The following TMPRSS11E variants were observed in gnomAD, a reference collection of about 807,000 sequenced individuals.
TMPRSS11E encodes the protein transmembrane protease serine 11E.
TMPRSS11E carries 38 observed loss-of-function variants against 48.1 expected under a neutral mutation model. The observed-to-expected ratio is 0.79, with a 90% CI of 0.61 to 1.04. The LOEUF is 1.04. Among genes scored for constraint, TMPRSS11E ranks in the 50% least tolerant of loss-of-function variants. The pLI, the probability that TMPRSS11E is intolerant of heterozygous loss-of-function variation, is 0.00. For synonymous variants in TMPRSS11E, 158 were observed against 171.9 expected, an observed-to-expected ratio of 0.92 and a Z score of 0.63; for missense variants, 530 against 510.8, an observed-to-expected ratio of 1.04 and a Z score of -0.36.
chr4:68,467,960 G>A (rs1273624206), intron 3 of TMPRSS11E, among the ~76,000 whole-genome samples: 1 of 151,934 alleles, frequency 6.6e-6, no homozygotes, highest in Non-Finnish European at 1.5e-5. Context: ...TATACATAAG[G>A]CTCTTTAATG....
At chr4:68,462,316 C>A (rs957327967) in intron 2 of TMPRSS11E, among the ~76,000 whole-genome samples, 1 of 151,840 alleles carries the variant, frequency 6.6e-6, no homozygotes, top group Non-Finnish European at 1.5e-5. Context: ...GTGGCTCACG[C>A]CTGTAATCTC....
At chr4:68,457,742 C>T (rs1728673764) in intron 1 of TMPRSS11E, among the ~76,000 whole-genome samples, 2 of 152,052 alleles carry the variant, frequency 1.3e-5, no homozygotes, top group Non-Finnish European at 2.9e-5. Context: ...CCATGGAATA[C>T]TATGCAGCCA....
At chr4:68,494,069 T>A (rs1046264196) in intron 9 of TMPRSS11E, among the ~76,000 whole-genome samples, 1 of 152,148 alleles carries the variant, frequency 6.6e-6, no homozygotes, top group Non-Finnish European at 1.5e-5. Flanking sequence ...TCTCTCTCAA[T>A]CTGGCTATGC....
chr4:68,495,929 G>A (rs994986082), intron 9 of TMPRSS11E, among the ~76,000 whole-genome samples: 6 of 152,072 alleles, frequency 3.9e-5, no homozygotes, highest in African/African-American at 7.2e-5. Flanking sequence ...AATTAGAAGC[G>A]CCAGGATCTT....
In TMPRSS11E at chr4:68,471,486, A is replaced by T. The variant is rs771848066; in HGVS notation, c.353A>T (p.His118Leu). The T allele has an allele frequency of 1.9e-6, 3 of 1,590,554 alleles. No individual in the cohort carries two copies. In the African/African-American group the frequency reaches 4.1e-5, roughly 22 times the overall value. Residue 118 changes from histidine (H) to leucine (L), a missense_variant, in exon 5 of 10, where the codon CAT becomes CTT. Physicochemically the swap from His to Leu is moderately conservative, Grantham distance 99 (BLOSUM62 -3). Coordinates refer to ENST00000305363, the MANE Select transcript of TMPRSS11E (RefSeq NM_014058.4). ...CAACAGAAGCATGGAGTGTTGGCTC[A>T]TATGCTGTTGATTTGTAGATTTCAC... The part of the protein sequence containing the change: ...FSQQKHGVLA[H>L]MLLICRFHST...
chr4:68,460,435 G>A (rs576010758), intron 1 of TMPRSS11E, among the ~76,000 whole-genome samples: 4 of 152,210 alleles, frequency 2.6e-5, no homozygotes, highest in South Asian at 2.1e-4. Context: ...TGGTTATCCC[G>A]CCCCTTACTG....
rs1729268104 is a variant in TMPRSS11E, at chr4:68,477,627, T to C, written c.966T>C (p.Asp322=). The change falls in exon 8 of 10, where the codon GAT becomes GAC. Residue 322 remains aspartate, a splice_region_variant and synonymous_variant. Coordinates refer to ENST00000305363, the MANE Select transcript of TMPRSS11E (RefSeq NM_014058.4). ...FVTGFGALKN[D]GYSQNHLRQA... ...CAGGATTTGGAGCACTGAAAAATGA[T>C]GGTGAGCATCGGAAGAGGAACTCAA... is the stretch of plus-strand genomic sequence containing the variant. 1.2e-6 allele frequency: 2 copies of C among 1,611,842 alleles called. No individual in the cohort carries two copies. The highest frequency in any genetic ancestry group is 1.7e-6 in the Non-Finnish European group (2 of 1,178,702).
At chr4:68,451,881 T>G (rs990304831) in intron 1 of TMPRSS11E, among the ~76,000 whole-genome samples, 1 of 151,942 alleles carries the variant, frequency 6.6e-6, no homozygotes, top group African/African-American at 2.4e-5. Flanking sequence ...AAGCCTATGC[T>G]CTTAATCACA....
At chr4:68,464,615 A>G (rs1578135592) in intron 2 of TMPRSS11E, among the ~76,000 whole-genome samples, 1 of 152,226 alleles carries the variant, frequency 6.6e-6, no homozygotes, top group East Asian at 1.9e-4. Context: ...GCTTAAGTCT[A>G]CAGGGTAAAG....
At chr4:68,461,979 A>G (rs1728803752) in intron 2 of TMPRSS11E, 34 bp downstream of exon 2, 1 of 1,612,130 alleles carries the variant, frequency 6.2e-7, no homozygotes, top group African/African-American at 1.3e-5. Context: ...CATGTGATTT[A>G]CCCCAAATAT....
intron 9 of TMPRSS11E, among the ~76,000 whole-genome samples, chr4:68,493,639 G>C (rs1729791516): frequency 1.3e-5 from 2 of 152,124 alleles, no homozygotes; most frequent in South Asian, 2.1e-4. Context: ...ACTAATTTTT[G>C]TATTTTTAGT....
intron 1 of TMPRSS11E, among the ~76,000 whole-genome samples, chr4:68,453,993 T>G (rs1728563077): frequency 6.6e-6 from 1 of 151,930 alleles, no homozygotes; most frequent in African/African-American, 2.4e-5. Context: ...GAGACTCCAT[T>G]GGAAAGAAAG....
intron 2 of TMPRSS11E, 78 bp downstream of exon 2, chr4:68,462,023 G>C (rs1263261680): frequency 6.4e-7 from 1 of 1,568,016 alleles, no homozygotes; most frequent in Non-Finnish European, 8.7e-7. Flanking sequence ...TTTGCCTCAG[G>C]CTTATTCATT....
At chr4:68,484,038 A>G (rs1295906550) in intron 9 of TMPRSS11E, among the ~76,000 whole-genome samples, 2 of 152,028 alleles carry the variant, frequency 1.3e-5, no homozygotes, top group South Asian at 2.1e-4. Flanking sequence ...TGGTTACTAT[A>G]GCTTTGTGGT....
intron 6 of TMPRSS11E, among the ~76,000 whole-genome samples, chr4:68,475,729 A>AT (rs1287011411): frequency 1.3e-5 from 2 of 152,312 alleles, no homozygotes; most frequent in Admixed American, 6.5e-5. Flanking sequence ...CCACTGTGGC[A>AT]TTTTTGTCAT....
chr4:68,459,032 A>G (rs34878974), intron 1 of TMPRSS11E, among the ~76,000 whole-genome samples: 37,454 of 151,574 alleles, frequency 0.25, 5,448 homozygotes, highest in Admixed American at 0.32. Flanking sequence ...TAAGACAGAT[A>G]ATTGAATCTC....
At chr4:68,473,832 G>A (rs1436813001) in intron 5 of TMPRSS11E, among the ~76,000 whole-genome samples, 1 of 152,076 alleles carries the variant, frequency 6.6e-6, no homozygotes, top group Non-Finnish European at 1.5e-5. Context: ...TATTAACTGA[G>A]ACTAAATTGT....
At chr4:68,461,036 A>G (rs960793555) in intron 1 of TMPRSS11E, among the ~76,000 whole-genome samples, 6 of 151,954 alleles carry the variant, frequency 3.9e-5, no homozygotes, top group African/African-American at 1.2e-4. Context: ...GCCTGCCACC[A>G]TGCCCGGCTA....
At chr4:68,466,916 C>CACTT (rs1728943636) in intron 3 of TMPRSS11E, among the ~76,000 whole-genome samples, 164 bp downstream of exon 3, 1 of 152,098 alleles carries the variant, frequency 6.6e-6, no homozygotes, top group Non-Finnish European at 1.5e-5. Flanking sequence ...GACAATACAT[C>CACTT]ACTTAGCACA....
Sources: gnomAD v4.1 joint callset for allele counts (sites outside exome capture counted in the v4.1 genomes callset) on GRCh38, gnomAD v4.1.1 for gene constraint, MANE v1.5 for transcripts, NCBI Gene and HGNC (gene_info 2026-07-23, HGNC 2026-07-21) for gene names.